Variants in VSTM2L observed in about 807,000 individuals in gnomAD.
The protein encoded by VSTM2L is V-set and transmembrane domain containing 2 like, also known as V-set and transmembrane domain-containing protein 2-like protein.
Under a neutral mutation model 19.9 loss-of-function variants are expected in VSTM2L, and 9 were observed. The ratio of observed to expected loss-of-function variants is 0.45; its 90% CI spans 0.27 to 0.79. VSTM2L has a LOEUF of 0.79. VSTM2L is among the 30% of genes least tolerant of loss of function. The pLI is 0.15. For missense variants in VSTM2L, 286 were observed against 295.5 expected (o/e 0.97, Z 0.24); for synonymous variants, 127 against 133.8 (o/e 0.95, Z 0.35).
At chr20:37,931,287 G>T (rs911877327) in intron 1 of VSTM2L, among the ~76,000 whole-genome samples, 2 of 152,190 alleles carry the variant, frequency 1.3e-5, no homozygotes, top group Admixed American at 6.5e-5. Flanking sequence ...GATGGAAGCG[G>T]CAGCTCCTCC....
At chr20:37,903,938 C>T (rs983468275) in intron 1 of VSTM2L, among the ~76,000 whole-genome samples, 8 of 152,192 alleles carry the variant, frequency 5.3e-5, no homozygotes, top group Non-Finnish European at 1.0e-4. Flanking sequence ...TGCAGACACA[C>T]TGGTGCGCGC....
chr20:37,943,959 A>G (rs1434255616), intron 3 of VSTM2L, 22 bp from the exon 4 acceptor site: 1 of 1,128,622 alleles, frequency 8.9e-7, no homozygotes, highest in African/African-American at 2.0e-5. Context: ...TGGACAGGTC[A>G]CGGTCTCTCT....
chr20:37,931,763 C>CGACTGG lies in VSTM2L; in HGVS notation c.250_251insGACTGG (p.His84delinsArgLeuAsp), dbSNP rs758523401. 8.7e-6 allele frequency: 14 copies of CGACTGG among 1,613,980 alleles called. No individual in the cohort carries two copies. The South Asian group carries it at 1.5e-4, about 18-fold the overall frequency. On this transcript the variant is annotated protein_altering_variant, in exon 2 of 4. Coordinates refer to ENST00000373461, the MANE Select transcript of VSTM2L (RefSeq NM_080607.3). Reference sequence around the variant, plus strand: ...GATCCAGTGGTGGTATGTACGGAGCCACCGGGACTGGACCGACAAGCAGGC... The same window carrying CGACTGG: ...GATCCAGTGGTGGTATGTACGGAGCCGACTGGACCGGGACTGGACCGACAAGCAGGC...
chr20:37,928,431 G>T (rs908614241), intron 1 of VSTM2L, among the ~76,000 whole-genome samples: 2 of 152,204 alleles, frequency 1.3e-5, no homozygotes, highest in Non-Finnish European at 2.9e-5. Flanking sequence ...CCACTGCCCA[G>T]CCAAGGTGTT....
At chr20:37,907,081 G>A (rs776247863) in intron 1 of VSTM2L, among the ~76,000 whole-genome samples, 2 of 152,128 alleles carry the variant, frequency 1.3e-5, no homozygotes, top group Non-Finnish European at 2.9e-5. Context: ...TTATTTGATG[G>A]GACCCTGGAA....
chr20:37,915,845 T>G (rs150582120), intron 1 of VSTM2L, among the ~76,000 whole-genome samples: 1,978 of 152,198 alleles, frequency 0.013, 33 homozygotes, highest in South Asian at 0.056. Context: ...CCTCAGAGCC[T>G]CTGTTCTGGA....
rs191522561 is a variant in VSTM2L at position 37,931,789 on chromosome 20, G to C, written c.276G>C (p.Ala92=). The change falls in exon 2 of 4, where the codon GCG becomes GCC. Residue 92 remains alanine, a synonymous_variant. Transcript: ENST00000373461. ...RSHRDWTDKQ[A]WASNQLKASQ... ...ACCGGGACTGGACCGACAAGCAGGC[G>C]TGGGCCTCGAACCAGGTAATGCCCC... The C allele has an allele frequency of 1.9e-6, 3 of 1,613,754 alleles. No homozygotes were observed. The highest frequency in any genetic ancestry group is 3.3e-5 in the Admixed American group (2 of 60,010).
At chr20:37,939,241 C>T (rs2072957844) in intron 3 of VSTM2L, among the ~76,000 whole-genome samples, 1 of 151,714 alleles carries the variant, frequency 6.6e-6, no homozygotes, top group Non-Finnish European at 1.5e-5. Flanking sequence ...CCCATCTCCA[C>T]AGAAAGATAC....
chr20:37,944,796 C>T lies in VSTM2L; in HGVS notation c.*543C>T. On this transcript the variant is annotated 3_prime_UTR_variant, in exon 4 of 4. Coordinates refer to ENST00000373461, the MANE Select transcript of VSTM2L (RefSeq NM_080607.3). ...CTGGGGCAGTGGCTCTGCAGGGTCACTCATGGAGGCCTAGGGGAACAGCGA... is the reference window on the plus strand; with the variant it reads ...CTGGGGCAGTGGCTCTGCAGGGTCATTCATGGAGGCCTAGGGGAACAGCGA... 1 of 986,380 alleles carries T rather than the reference C, an allele frequency of 1.0e-6. No individual in the cohort carries two copies. Among genetic ancestry groups the T allele is most frequent in the Non-Finnish European group, 1.2e-6 (1 of 830,410 alleles). The allele number at this position is 986,380 out of a possible 1,614,324, so 61.1% of individuals were successfully genotyped here.
At chr20:37,937,383 A>G (rs897079431) in intron 3 of VSTM2L, among the ~76,000 whole-genome samples, 1 of 152,102 alleles carries the variant, frequency 6.6e-6, no homozygotes, top group Non-Finnish European at 1.5e-5. Context: ...GGTAGCTTGC[A>G]TCTGCTAAGG....
Position 37,944,578 on chromosome 20 carries a change from G to C in VSTM2L, c.*325G>C. 8.9e-7 allele frequency: 1 copy of C among 1,123,484 alleles called. No homozygotes were observed. Among genetic ancestry groups the C allele is most frequent in the Non-Finnish European group, 1.1e-6 (1 of 919,286 alleles). The allele number at this position is 1,123,484 out of a possible 1,614,324, so 69.6% of individuals were successfully genotyped here. A position where few individuals can be genotyped will look rare whatever the true frequency, so the allele number is the denominator to read the frequency against. Reference sequence around the variant, plus strand: ...GTCACCAGCTTCTGTGGAGTCCAGTGTTTTGCTTTGCTTGCTTGTCCCCCA... The same window carrying C: ...GTCACCAGCTTCTGTGGAGTCCAGTCTTTTGCTTTGCTTGCTTGTCCCCCA... On this transcript the variant is annotated 3_prime_UTR_variant, in exon 4 of 4. Coordinates refer to ENST00000373461, the MANE Select transcript of VSTM2L (RefSeq NM_080607.3).
intron 1 of VSTM2L, among the ~76,000 whole-genome samples, chr20:37,919,118 TA>T (rs1196482339): frequency 6.6e-6 from 1 of 152,048 alleles, no homozygotes; most frequent in Non-Finnish European, 1.5e-5. Context: ...TGGCTTAGGG[TA>T]GGGGGTCCAT....
chr20:37,914,445 ATGTG>A (rs1296023688), intron 1 of VSTM2L, among the ~76,000 whole-genome samples: 4 of 127,116 alleles, frequency 3.1e-5, no homozygotes, highest in South Asian at 4.5e-4. Context: ...GTGTATGTGT[ATGTG>A]TGTGTGTATT....
chr20:37,910,935 A>AG (rs2072775938), intron 1 of VSTM2L, among the ~76,000 whole-genome samples: 1 of 151,144 alleles, frequency 6.6e-6, no homozygotes, highest in African/African-American at 2.4e-5. Context: ...AAAAAAAAGA[A>AG]AAAGAAGAAG....
intron 1 of VSTM2L, among the ~76,000 whole-genome samples, chr20:37,906,708 A>G (rs1321097116): frequency 6.6e-6 from 1 of 152,248 alleles, no homozygotes; most frequent in African/African-American, 2.4e-5. Flanking sequence ...CCTCCAGAAC[A>G]GCCTTGAGGC....
At position 37,921,505 on chromosome 20, in the gene VSTM2L, A is replaced by G. The variant is rs77323142; in HGVS notation, c.122-10130A>G. ...GCAGAGTGTTCCCTGAGCATCTACT[A>G]TGTGCATGGTGTTGCTCTAGCTGCC... On this transcript the variant is annotated intron_variant, in intron 1 of 3. Transcript: ENST00000373461. Among the ~76,000 whole-genome samples the G allele has an allele frequency of 9.0e-3, 1,372 of 152,264 alleles. 16 individuals are homozygous for G. Among genetic ancestry groups the G allele is most frequent in the African/African-American group, 0.031 (1,288 of 41,544 alleles).
rs1168500693 is a variant in VSTM2L, at chr20:37,944,172, C to T, written c.534C>T (p.Pro178=). ...NSVLHLPEAP[P]AAPAPPPPKP... The stretch of plus-strand genomic sequence containing the variant: ...TCCTGCATCTGCCCGAAGCCCCTCC[C>T]GCCGCGCCCGCCCCGCCGCCCCCCA... Residue 178 remains proline (P), a synonymous_variant, in exon 4 of 4, where the codon CCC becomes CCT. Coordinates refer to ENST00000373461, the MANE Select transcript of VSTM2L (RefSeq NM_080607.3). 18 of 1,549,660 alleles carry T rather than the reference C, an allele frequency of 1.2e-5. No homozygotes were observed. The highest frequency in any genetic ancestry group is 2.0e-4 in the Middle Eastern group (1 of 5,022).
At position 37,944,077 on chromosome 20, in the gene VSTM2L, T is replaced by C. The variant is rs2072991333; in HGVS notation, c.439T>C (p.Phe147Leu). 1 of 1,612,916 alleles carries C rather than the reference T, an allele frequency of 6.2e-7. No individual in the cohort carries two copies. Among genetic ancestry groups the C allele is most frequent in the African/African-American group, 1.3e-5 (1 of 74,878 alleles). The change falls in exon 4 of 4, where the codon TTC (phenylalanine) becomes CTC (leucine). Residue 147 changes from phenylalanine to leucine, a missense_variant. Transcript: ENST00000373461. ...EGTYECRVIDFSDGKARHHKV... is the reference protein window; with the variant it reads ...EGTYECRVIDLSDGKARHHKV... Reference sequence around the variant, plus strand: ...CACCTACGAGTGCCGCGTCATCGACTTCAGCGACGGCAAGGCCCGGCACCA... The same window carrying C: ...CACCTACGAGTGCCGCGTCATCGACCTCAGCGACGGCAAGGCCCGGCACCA...
chr20:37,914,355 G>T (rs1363114355), intron 1 of VSTM2L, among the ~76,000 whole-genome samples: 1 of 2,992 alleles, frequency 3.3e-4, no homozygotes, highest in African/African-American at 1.1e-3. Context: ...GCATGTGTGT[G>T]GGGTGTTTAT....
Sources: gnomAD v4.1 joint callset for allele counts (sites outside exome capture counted in the v4.1 genomes callset) on GRCh38, gnomAD v4.1.1 for gene constraint, MANE v1.5 for transcripts, NCBI Gene and HGNC (gene_info 2026-07-23, HGNC 2026-07-21) for gene names.